Variants in SRBD1 observed in about 807,000 individuals in gnomAD.
The protein encoded by SRBD1 is S1 RNA binding domain 1, also known as S1 RNA-binding domain-containing protein 1.
SRBD1 carries 88 observed loss-of-function variants against 115.3 expected under a neutral mutation model. The observed-to-expected ratio is 0.76, with a 90% CI of 0.64 to 0.91. The LOEUF is 0.91. SRBD1 is among the 40% of genes least tolerant of loss of function. The pLI, the probability that SRBD1 is intolerant of heterozygous loss-of-function variation, is 0.00. For missense variants in SRBD1, 1,385 were observed against 1,177.4 expected, an observed-to-expected ratio of 1.18 and a Z score of -2.58; for synonymous variants, 509 against 407.7, an observed-to-expected ratio of 1.25 and a Z score of -2.99.
At position 45,581,810 on chromosome 2, in the gene SRBD1, C is replaced by T. The variant is rs770277020; in HGVS notation, c.816G>A (p.Arg272=). 6.2e-7 allele frequency: 1 copy of T among 1,606,132 alleles called. No individual in the cohort carries two copies. The highest frequency in any genetic ancestry group is 1.4e-5 in the African/African-American group (1 of 73,494). The change falls in exon 6 of 21, where the codon CGG becomes CGA. Residue 272 remains arginine (R), a splice_region_variant and synonymous_variant. Coordinates refer to ENST00000263736, the MANE Select transcript of SRBD1 (RefSeq NM_018079.5). ...REVQQTLEEL[R]AVAKKVHSTI... is the part of the protein sequence containing the mutation. The stretch of plus-strand genomic sequence containing the variant: ...TACTATGAACTTTCTTTGCAACAGC[C>T]CTGAAAAGAGAAACTTTTGTAATAT...
In SRBD1 at chr2:45,492,719, G is replaced by A. The variant is rs192305655; in HGVS notation, c.1875-4388C>T. 5.4e-3 allele frequency among the ~76,000 whole-genome samples: 826 copies of A among 152,204 alleles called. 7 individuals carry two copies. Among genetic ancestry groups the A allele is most frequent in the African/African-American group, 0.019 (776 of 41,534 alleles). On this transcript the variant is annotated intron_variant, in intron 14 of 20. Transcript: ENST00000263736. ...CTCCCAAAGTGCTGGGATTACAGGC[G>A]CAAGCCACTGCGCCCAGCCAAAACT...
intron 11 of SRBD1, among the ~76,000 whole-genome samples, 173 bp downstream of exon 11, chr2:45,553,450 G>A (rs1299941220): frequency 1.3e-5 from 2 of 152,166 alleles, no homozygotes; most frequent in East Asian, 3.8e-4. Context: ...TATGATCTAT[G>A]CATGTGAATG....
At chr2:45,542,245 G>A (rs150406521) in intron 14 of SRBD1, among the ~76,000 whole-genome samples, 11 of 152,388 alleles carry the variant, frequency 7.2e-5, no homozygotes, top group Middle Eastern at 3.4e-3. Context: ...TGTCCAGGTC[G>A]CAACAGTGCC....
At chr2:45,417,245 A>G (rs1277434499) in intron 18 of SRBD1, among the ~76,000 whole-genome samples, 1 of 152,142 alleles carries the variant, frequency 6.6e-6, no homozygotes, top group African/African-American at 2.4e-5. Flanking sequence ...TAAGTCTATG[A>G]TAAATCTGTA....
intron 16 of SRBD1, among the ~76,000 whole-genome samples, chr2:45,455,480 G>T (rs1380729293): frequency 6.6e-6 from 1 of 151,718 alleles, no homozygotes; most frequent in African/African-American, 2.4e-5. Context: ...TCTATATTTA[G>T]GTCAGAGCAA....
intron 3 of SRBD1, 141 bp downstream of exon 3, chr2:45,601,762 A>G: frequency 8.7e-6 from 10 of 1,147,064 alleles, no homozygotes; most frequent in Non-Finnish European, 1.1e-5. Context: ...ACAGACCCAA[A>G]AATTAAGACC....
intron 14 of SRBD1, among the ~76,000 whole-genome samples, chr2:45,535,984 T>TA (rs1223774538): frequency 6.6e-6 from 1 of 152,062 alleles, no homozygotes; most frequent in Non-Finnish European, 1.5e-5. Context: ...CTTGGTTACT[T>TA]ACACTTCTTT....
chr2:45,493,910 G>T (rs932523763), intron 14 of SRBD1, among the ~76,000 whole-genome samples: 17 of 151,742 alleles, frequency 1.1e-4, no homozygotes, highest in African/African-American at 4.1e-4. Context: ...TCAAACTGCA[G>T]AACTCTTTGG....
chr2:45,509,643 A>ACG (rs1325918669), intron 14 of SRBD1, among the ~76,000 whole-genome samples: 2 of 150,638 alleles, frequency 1.3e-5, no homozygotes, highest in East Asian at 2.0e-4. Context: ...ACACACACAC[A>ACG]CACGCAAAGA....
At chr2:45,458,239 A>G (rs184792747) in intron 16 of SRBD1, among the ~76,000 whole-genome samples, 1 of 152,220 alleles carries the variant, frequency 6.6e-6, no homozygotes, top group Admixed American at 6.5e-5. Context: ...AAACTTTTCC[A>G]TTCTGAGAGA....
At chr2:45,602,704 GA>G (rs1235356873) in intron 2 of SRBD1, among the ~76,000 whole-genome samples, 3 of 152,058 alleles carry the variant, frequency 2.0e-5, no homozygotes, top group African/African-American at 4.8e-5. Context: ...CAAGAGCAGA[GA>G]AAAAGCAGCC....
intron 14 of SRBD1, among the ~76,000 whole-genome samples, chr2:45,497,082 G>C (rs1670482994): frequency 6.6e-6 from 1 of 152,120 alleles, no homozygotes; most frequent in African/African-American, 2.4e-5. Flanking sequence ...GCACATTTCT[G>C]ACTCTGCTAT....
At chr2:45,460,759 C>T (rs1362014815) in intron 16 of SRBD1, among the ~76,000 whole-genome samples, 1 of 152,164 alleles carries the variant, frequency 6.6e-6, no homozygotes, top group Non-Finnish European at 1.5e-5. Context: ...AGATAACTCT[C>T]TTGAAATGTC....
intron 15 of SRBD1, among the ~76,000 whole-genome samples, chr2:45,485,674 A>G (rs1166111299): frequency 6.6e-6 from 1 of 152,342 alleles, no homozygotes; most frequent in Non-Finnish European, 1.5e-5. Flanking sequence ...ATTTTCTTAC[A>G]TATGCTTAAC....
At chr2:45,501,475 G>C (rs780664582) in intron 14 of SRBD1, among the ~76,000 whole-genome samples, 2 of 152,156 alleles carry the variant, frequency 1.3e-5, no homozygotes, top group East Asian at 1.9e-4. Context: ...CAAGCGTGAG[G>C]TGAAGCAGGG....
intron 15 of SRBD1, among the ~76,000 whole-genome samples, chr2:45,482,023 T>C (rs1669981689): frequency 6.6e-6 from 1 of 152,114 alleles, no homozygotes; most frequent in Admixed American, 6.6e-5. Flanking sequence ...GATGAAGTTA[T>C]AAAACTAGAC....
At chr2:45,422,026 A>G (rs923832021) in intron 16 of SRBD1, among the ~76,000 whole-genome samples, 2 of 152,184 alleles carry the variant, frequency 1.3e-5, no homozygotes, top group African/African-American at 4.8e-5. Context: ...ATGAAAAGGG[A>G]ACTTTTTAAA....
chr2:45,553,741 G>A lies in SRBD1; in HGVS notation c.1410-11C>T. 6.5e-7 allele frequency: 1 copy of A among 1,542,784 alleles called. No individual in the cohort carries two copies. The highest frequency in any genetic ancestry group is 8.7e-7 in the Non-Finnish European group (1 of 1,144,128). ...CTACGTGGTCTCCACCTGCAAAACA[G>A]AAAAGCCCACACTAAAACTGATGCA... On this transcript the variant is annotated splice_polypyrimidine_tract_variant and intron_variant, in intron 10 of 20. Coordinates refer to ENST00000263736, the MANE Select transcript of SRBD1 (RefSeq NM_018079.5).
chr2:45,428,484 G>C (rs891329157), intron 16 of SRBD1, among the ~76,000 whole-genome samples: 1 of 152,038 alleles, frequency 6.6e-6, no homozygotes, highest in Non-Finnish European at 1.5e-5. Flanking sequence ...CCGGGAGGCG[G>C]AGCTTGCAGT....
Sources: allele counts gnomAD v4.1 joint callset (sites outside exome capture counted in the v4.1 genomes callset), GRCh38; gene constraint gnomAD v4.1.1; transcripts MANE v1.5; gene names NCBI Gene and HGNC (gene_info 2026-07-23, HGNC 2026-07-21).